The following TENM3 variants were observed in gnomAD, a reference collection of about 807,000 sequenced individuals.
TENM3 encodes the protein teneurin-3.
TENM3 carries 63 observed loss-of-function variants against 255.1 expected under a neutral mutation model. That is an observed-to-expected ratio of 0.25 (90% confidence interval 0.20 to 0.30). The LOEUF (loss-of-function observed/expected upper bound fraction) is 0.30, where lower values mean the gene tolerates loss of function less well. Among genes scored for constraint, TENM3 ranks in the 10% least tolerant of loss-of-function variants. The probability of loss-of-function intolerance (pLI) is 1.00; values close to 1 mark genes in which losing one functional copy is unlikely to be tolerated. For missense variants in TENM3, 2,929 were observed against 3,461.1 expected (o/e 0.85, Z 3.86); for synonymous variants, 1,306 against 1,322.3 (o/e 0.99, Z 0.27).
At chr4:182,680,835 C>T in intron 10 of TENM3, 98 bp downstream of exon 10, 1 of 924,666 alleles carries the variant, frequency 1.1e-6, no homozygotes, top group Non-Finnish European at 1.5e-6. Context: ...TTATACGCTT[C>T]CTTTTGAAAG....
At chr4:181,490,540 G>A in the TENM3 span, among the ~76,000 whole-genome samples, 4 of 152,202 alleles carry the variant, frequency 2.6e-5, no homozygotes, top group African/African-American at 7.2e-5. Flanking sequence ...ACAATGCACC[G>A]GACTAATTGC....
At chr4:181,966,370 T>C in the TENM3 span, among the ~76,000 whole-genome samples, 3 of 152,184 alleles carry the variant, frequency 2.0e-5, no homozygotes, top group Non-Finnish European at 2.9e-5. Context: ...GGAGTATTTT[T>C]CTTTACTTAA....
chr4:182,386,893 C>T (rs966765235), intron 3 of TENM3, among the ~76,000 whole-genome samples: 4 of 152,222 alleles, frequency 2.6e-5, no homozygotes, highest in Admixed American at 6.5e-5. Flanking sequence ...CCCTGTTCCA[C>T]GGCGCCCAGT....
chr4:181,648,580 T>A, the TENM3 span, among the ~76,000 whole-genome samples: 1 of 152,188 alleles, frequency 6.6e-6, no homozygotes, highest in Non-Finnish European at 1.5e-5. Flanking sequence ...GAGCTCTCTT[T>A]CCAATTTACA....
chr4:181,806,597 A>G, the TENM3 span, among the ~76,000 whole-genome samples: 4 of 152,182 alleles, frequency 2.6e-5, no homozygotes, highest in African/African-American at 9.7e-5. Flanking sequence ...GAGGAACAGC[A>G]TTCCTCCCCT....
At chr4:182,390,498 G>T (rs1768350138) in intron 3 of TENM3, among the ~76,000 whole-genome samples, 1 of 152,154 alleles carries the variant, frequency 6.6e-6, no homozygotes, top group African/African-American at 2.4e-5. Flanking sequence ...TGTAAAGTGG[G>T]ATTGCAGTAC....
At chr4:182,283,735 A>G (rs1355781556) in intron 1 of TENM3, among the ~76,000 whole-genome samples, 1 of 152,138 alleles carries the variant, frequency 6.6e-6, no homozygotes, top group South Asian at 2.1e-4. Context: ...ACTCTCTGAG[A>G]TTTGCCTTGA....
At chr4:181,950,780 C>T in the TENM3 span, among the ~76,000 whole-genome samples, 1 of 152,200 alleles carries the variant, frequency 6.6e-6, no homozygotes, top group Non-Finnish European at 1.5e-5. Flanking sequence ...GTTGCTCATG[C>T]CTGTAATCCC....
the TENM3 span, among the ~76,000 whole-genome samples, chr4:181,801,165 G>A: frequency 6.6e-6 from 1 of 152,236 alleles, no homozygotes; most frequent in South Asian, 2.1e-4. Context: ...ATCTGGTCAT[G>A]TGTATGTGTG....
chr4:181,764,273 C>A, the TENM3 span, among the ~76,000 whole-genome samples: 1 of 152,056 alleles, frequency 6.6e-6, no homozygotes, highest in Non-Finnish European at 1.5e-5. Flanking sequence ...TTTGTTGTTG[C>A]ATGGTTGGCA....
intron 16 of TENM3, among the ~76,000 whole-genome samples, chr4:182,732,802 G>T (rs1399963567): frequency 6.6e-6 from 1 of 152,182 alleles, no homozygotes; most frequent in Non-Finnish European, 1.5e-5. Flanking sequence ...TCCAGCCTGG[G>T]TGCTGGGAGT....
At chr4:182,679,593 T>G (rs1755951806) in intron 7 of TENM3, 73 bp from the exon 8 acceptor site, 3 of 1,175,954 alleles carry the variant, frequency 2.6e-6, no homozygotes, top group South Asian at 1.4e-5. Context: ...GAAGACAGAT[T>G]GAAGAGAAAA....
intron 1 of TENM3, among the ~76,000 whole-genome samples, chr4:182,260,311 C>T (rs1019091027): frequency 6.6e-6 from 1 of 152,114 alleles, no homozygotes; most frequent in Non-Finnish European, 1.5e-5. Context: ...TGAGGAACCT[C>T]CATATAGTTT....
the TENM3 span, among the ~76,000 whole-genome samples, chr4:182,088,566 T>C: frequency 6.6e-6 from 1 of 152,142 alleles, no homozygotes; most frequent in Admixed American, 6.6e-5. Context: ...CTTTAATTTT[T>C]TTAAAAAAGA....
At chr4:182,100,692 T>C in the TENM3 span, among the ~76,000 whole-genome samples, 3 of 50,630 alleles carry the variant, frequency 5.9e-5, no homozygotes, top group Non-Finnish European at 1.2e-4. Context: ...CACATATATA[T>C]ACACACATAT....
At chr4:181,828,567 GATTTCTTTTTTTC>G in the TENM3 span, among the ~76,000 whole-genome samples, 1 of 151,974 alleles carries the variant, frequency 6.6e-6, no homozygotes, top group Non-Finnish European at 1.5e-5. Context: ...TTGAACCCAG[GATTTCTTTTTTTC>G]TTCTTTTTTT....
the TENM3 span, among the ~76,000 whole-genome samples, chr4:181,722,387 T>C: frequency 9.5e-4 from 145 of 152,306 alleles, no homozygotes; most frequent in Middle Eastern, 3.4e-3. Flanking sequence ...GTATATCCTG[T>C]GGAGTATATG....
At chr4:181,907,370 C>T in the TENM3 span, among the ~76,000 whole-genome samples, 2 of 152,116 alleles carry the variant, frequency 1.3e-5, no homozygotes, top group African/African-American at 4.8e-5. Context: ...CCAGAGCAGC[C>T]AAATCTTCCA....
At chr4:182,562,142 G>C (rs1328875267) in intron 3 of TENM3, among the ~76,000 whole-genome samples, 1 of 152,120 alleles carries the variant, frequency 6.6e-6, no homozygotes, top group East Asian at 1.9e-4. Flanking sequence ...GTATGTGAGA[G>C]TAAGATTGTC....
Sources: allele counts gnomAD v4.1 joint callset (sites outside exome capture counted in the v4.1 genomes callset), GRCh38; gene constraint gnomAD v4.1.1; transcripts MANE v1.5; gene names NCBI Gene and HGNC (gene_info 2026-07-23, HGNC 2026-07-21).